Variants in CERS2 observed in about 807,000 individuals in gnomAD.
CERS2 encodes LAG1 homolog, ceramide synthase 2.
A neutral mutation model predicts 56.6 loss-of-function variants in CERS2; 20 were observed. That is an observed-to-expected ratio of 0.35 (90% CI 0.25 to 0.51). The LOEUF is 0.51. CERS2 is among the 20% of genes least tolerant of loss of function. The probability of loss-of-function intolerance (pLI) is 0.96; values close to 1 mark genes in which losing one functional copy is unlikely to be tolerated. For missense variants in CERS2, 361 were observed against 488.6 expected, an observed-to-expected ratio of 0.74 and a Z score of 2.46; for synonymous variants, 187 against 175.4, an observed-to-expected ratio of 1.07 and a Z score of -0.52.
At position 150,965,302 on chromosome 1, in the gene CERS2, A is replaced by T. The variant is rs1432165187; in HGVS notation, c.*846T>A. 2 of 152,594 alleles carry T rather than the reference A, an allele frequency of 1.3e-5. No individual in the cohort carries two copies. Among genetic ancestry groups the T allele is most frequent in the Admixed American group, 1.3e-4 (2 of 15,280 alleles). 9.5% of individuals were successfully genotyped at this position (152,594 alleles called of 1,614,324 possible). On this transcript the variant is annotated 3_prime_UTR_variant, in exon 11 of 11. Coordinates refer to ENST00000368954, the MANE Select transcript of CERS2 (RefSeq NM_022075.5). ...ATTTAATCTTTTAATTTTTAAAAAAAACCCATTAACAGTACATTTTGGTCT... is the reference window on the plus strand; with the variant it reads ...ATTTAATCTTTTAATTTTTAAAAAATACCCATTAACAGTACATTTTGGTCT...
intron 1 of CERS2, among the ~76,000 whole-genome samples, chr1:150,970,289 G>A (rs192612895): frequency 6.8e-6 from 1 of 147,246 alleles, no homozygotes; most frequent in Non-Finnish European, 1.5e-5. Context: ...AAATGACACT[G>A]AGCTCCACAA....
chr1:150,967,067 G>A lies in CERS2; in HGVS notation c.741+7C>T, dbSNP rs1671045471. 6.2e-7 allele frequency: 1 copy of A among 1,614,008 alleles called. No individual in the cohort carries two copies. Among genetic ancestry groups the A allele is most frequent in the Non-Finnish European group, 8.5e-7 (1 of 1,179,920 alleles). ...CACCAGGGTCTCTAGATTTGAGGAA[G>A]CCTGACCTCCAGCAGGTAATCGGAA... is the stretch of plus-strand genomic sequence containing the variant. On this transcript the variant is annotated splice_region_variant and intron_variant, in intron 8 of 10. Coordinates refer to ENST00000368954, the MANE Select transcript of CERS2 (RefSeq NM_022075.5).
intron 4 of CERS2, 62 bp from the exon 5 acceptor site, chr1:150,967,939 AT>A (rs1233861585): frequency 7.1e-7 from 1 of 1,409,330 alleles, no homozygotes; most frequent in East Asian, 2.3e-5. Context: ...CAGCCCCCAA[AT>A]ACCTGCAGAT....
chr1:150,968,468 T>C lies in CERS2; in HGVS notation c.218A>G (p.Lys73Arg). ...PLAALLNIKEKTRLRAPPNAT... is the reference protein window; with the variant it reads ...PLAALLNIKERTRLRAPPNAT... ...GTTGGGAGGTGCCCGCAGCCGAGTT[T>C]TCTCCTTTATGTTCAAGAGGGCAGC... Residue 73 changes from lysine to arginine, a missense_variant, in exon 3 of 11, where the codon AAA becomes AGA. Coordinates refer to ENST00000368954, the MANE Select transcript of CERS2 (RefSeq NM_022075.5). 6.2e-7 allele frequency: 1 copy of C among 1,614,188 alleles called. No homozygotes were observed. Among genetic ancestry groups the C allele is most frequent in the South Asian group, 1.1e-5 (1 of 91,092 alleles).
intron 1 of CERS2, among the ~76,000 whole-genome samples, chr1:150,969,790 T>C (rs750027569): frequency 2.0e-5 from 3 of 152,026 alleles, no homozygotes; most frequent in Non-Finnish European, 2.9e-5. Context: ...CCCCCTACAC[T>C]CTGGCCACTT....
intron 4 of CERS2, 54 bp from the exon 5 acceptor site, chr1:150,967,931 GC>G: frequency 6.8e-7 from 1 of 1,476,354 alleles, no homozygotes; most frequent in Non-Finnish European, 9.5e-7. Flanking sequence ...TCCCCCAGCA[GC>G]CCCCAAATAC....
chr1:150,974,315 T>G (rs1215157983), intron 1 of CERS2: 1 of 151,548 alleles, frequency 6.6e-6, no homozygotes, highest in African/African-American at 2.4e-5. Flanking sequence ...CCTTCCGCCC[T>G]ACCTGTTGCC....
At position 150,974,612 on chromosome 1, in the gene CERS2, G is replaced by A. The variant is rs1268973725; in HGVS notation, c.-2+7C>T. 2 of 148,710 alleles carry A rather than the reference G, an allele frequency of 1.3e-5. No individual in the cohort carries two copies. The highest frequency in any genetic ancestry group is 4.0e-4 in the East Asian group (2 of 5,014). 9.2% of individuals were successfully genotyped at this position (148,710 alleles called of 1,614,324 possible). A position where few individuals can be genotyped will look rare whatever the true frequency, so the allele number is the denominator to read the frequency against. On this transcript the variant is annotated splice_region_variant and intron_variant, in intron 1 of 10. Transcript: ENST00000368954. ...GGCTCGGGCGCCGGGCGGGGGCCCC[G>A]ACTCACCCGGCGGCAGCGTTGGCGG...
chr1:150,973,854 G>A (rs948062061), intron 1 of CERS2: 2 of 152,284 alleles, frequency 1.3e-5, no homozygotes, highest in Admixed American at 6.5e-5. Flanking sequence ...CTAGGCTTAG[G>A]GAGGGAGAGA....
chr1:150,967,893 GA>G lies in CERS2; in HGVS notation c.411-17del. On this transcript the variant is annotated splice_polypyrimidine_tract_variant and intron_variant, in intron 4 of 10. Coordinates refer to ENST00000368954, the MANE Select transcript of CERS2 (RefSeq NM_022075.5). ...GAATCTCCAGCTGGCAGAGGAAGCAGAAATGGCTAGGTCAGAGGATAGCACA... is the reference window on the plus strand; with the variant it reads ...GAATCTCCAGCTGGCAGAGGAAGCAGAATGGCTAGGTCAGAGGATAGCACA... 6.2e-7 allele frequency: 1 copy of G among 1,605,838 alleles called. No homozygotes were observed. The highest frequency in any genetic ancestry group is 8.5e-7 in the Non-Finnish European group (1 of 1,172,878).
chr1:150,966,821 G>C lies in CERS2; in HGVS notation c.783C>G (p.Cys261Trp). The change falls in exon 9 of 11, where the codon TGC (cysteine) becomes TGG (tryptophan). Residue 261 changes from cysteine to tryptophan, a missense_variant. Around this residue, in one of 3 missense-constraint regions of CERS2, gnomAD observed 122 missense variants for 151.9 expected, o/e 0.80. Coordinates refer to ENST00000368954, the MANE Select transcript of CERS2 (RefSeq NM_022075.5). Reference sequence around the variant, plus strand: ...TGGCGAAGACGATGAAGATGTTGTTGCAGGTGTTCTTCCATCCCGCGTAGT... The same window carrying C: ...TGGCGAAGACGATGAAGATGTTGTTCCAGGTGTTCTTCCATCCCGCGTAGT... ...MFNYAGWKNT[C>W]NNIFIVFAIV... 6.2e-7 allele frequency: 1 copy of C among 1,614,106 alleles called. No homozygotes were observed. The highest frequency in any genetic ancestry group is 8.5e-7 in the Non-Finnish European group (1 of 1,179,972).
chr1:150,966,437 G>A, intron 10 of CERS2, 39 bp downstream of exon 10: 1 of 1,610,672 alleles, frequency 6.2e-7, no homozygotes, highest in South Asian at 1.1e-5. Context: ...GGAAGTTGTA[G>A]AGAGTAGTAA....
rs1399691583 is a variant in CERS2, at chr1:150,966,748, C to T, written c.848+8G>A. 1.2e-5 allele frequency: 19 copies of T among 1,610,384 alleles called. No homozygotes were observed. Among genetic ancestry groups the T allele is most frequent in the Non-Finnish European group, 1.5e-5 (18 of 1,176,722 alleles). On this transcript the variant is annotated splice_region_variant and intron_variant, in intron 9 of 10. Coordinates refer to ENST00000368954, the MANE Select transcript of CERS2 (RefSeq NM_022075.5). ...CAGAACAGGAGTGTAGCCTAGCTGC[C>T]TACTCACCAGAAGGGCAGGATGACC...
At chr1:150,968,687 G>C (rs986540608) in intron 2 of CERS2, among the ~76,000 whole-genome samples, 175 bp from the exon 3 acceptor site, 2 of 152,174 alleles carry the variant, frequency 1.3e-5, no homozygotes, top group Non-Finnish European at 2.9e-5. Flanking sequence ...GTGGCCAGGC[G>C]GGCGGCGGGT....
At position 150,971,740 on chromosome 1, in the gene CERS2, T is replaced by C. The variant is rs6661777; in HGVS notation, c.-1-2649A>G. 7.3e-3 allele frequency: 2,680 copies of C among 369,604 alleles called. 54 individuals are homozygous for C. Among genetic ancestry groups the C allele is most frequent in the South Asian group, 0.034 (1,670 of 48,592 alleles). The allele number at this position is 369,604 out of a possible 1,614,324, so 22.9% of individuals were successfully genotyped here. On this transcript the variant is annotated intron_variant, in intron 1 of 10. Transcript: ENST00000368954. ...ATAAAGAAGGGACAAGGGTAGAAAA[T>C]GCACAGAGAAGGGACAATGCGGAAC...
At chr1:150,966,388 A>G (rs1671016388) in intron 10 of CERS2, 88 bp downstream of exon 10, 1 of 1,599,316 alleles carries the variant, frequency 6.3e-7, no homozygotes, top group Non-Finnish European at 8.5e-7. Flanking sequence ...AGGGCTCCAC[A>G]CTAGTTTTTT....
chr1:150,974,498 C>G (rs952126110), intron 1 of CERS2, 121 bp downstream of exon 1: 1 of 149,540 alleles, frequency 6.7e-6, no homozygotes, highest in African/African-American at 2.4e-5. Flanking sequence ...GGCCCCGCGG[C>G]CTTCCCAGCC....
At position 150,974,619 on chromosome 1, in the gene CERS2, C is replaced by G. The variant is rs1167852166; in HGVS notation, c.-2G>C. ...GCGCCGGGCGGGGGCCCCGACTCAC[C>G]CGGCGGCAGCGTTGGCGGGGCCGGG... On this transcript the variant is annotated splice_region_variant and 5_prime_UTR_variant, in exon 1 of 11. Coordinates refer to ENST00000368954, the MANE Select transcript of CERS2 (RefSeq NM_022075.5). The G allele has an allele frequency of 6.7e-6, 1 of 149,652 alleles. No individual in the cohort carries two copies. The highest frequency in any genetic ancestry group is 1.5e-5 in the Non-Finnish European group (1 of 66,896). 9.3% of individuals were successfully genotyped at this position (149,652 alleles called of 1,614,324 possible).
Position 150,966,212 on chromosome 1 carries a change from G to C in CERS2, c.1079C>G (p.Ala360Gly), listed in dbSNP as rs969429316. 2 of 1,607,018 alleles carry C rather than the reference G, an allele frequency of 1.2e-6. No individual in the cohort carries two copies. Among genetic ancestry groups the C allele is most frequent in the Non-Finnish European group, 1.7e-6 (2 of 1,178,138 alleles). Residue 360 changes from alanine to glycine, a missense_variant, in exon 11 of 11, where the codon GCA (alanine) becomes GGA (glycine). Transcript: ENST00000368954. ...GCCATTGGCTAGGGGCCGGCTCTTT[G>C]CTCCTCCCCCAGCTGCAGCCTCCTC... ...EGEEAAAGGGAKSRPLANGHP... is the reference protein window; with the variant it reads ...EGEEAAAGGGGKSRPLANGHP...
Sources: gnomAD v4.1 joint callset for allele counts (sites outside exome capture counted in the v4.1 genomes callset) on GRCh38, gnomAD v4.1.1 for gene constraint, gnomAD v4.1.1 regional missense constraint, MANE v1.5 for transcripts, NCBI Gene and HGNC (gene_info 2026-07-23, HGNC 2026-07-21) for gene names.